Variants in CASD1 observed in about 807,000 individuals in gnomAD.
CASD1 encodes N-acetylneuraminate (7)9-O-acetyltransferase.
CASD1 carries 41 observed loss-of-function variants against 100.0 expected under a neutral mutation model. The ratio of observed to expected loss-of-function variants is 0.41; its 90% CI spans 0.32 to 0.53. The LOEUF is 0.53. Among genes scored for constraint, CASD1 ranks in the 20% least tolerant of loss-of-function variants. The probability of loss-of-function intolerance (pLI) is 0.25; values close to 1 mark genes in which losing one functional copy is unlikely to be tolerated. For missense variants in CASD1, 774 were observed against 948.7 expected (o/e 0.82, Z 2.42); for synonymous variants, 321 against 315.6 (o/e 1.02, Z -0.18).
chr7:94,604,643 G>C, the CASD1 span, among the ~76,000 whole-genome samples: 1 of 151,390 alleles, frequency 6.6e-6, no homozygotes, highest in Non-Finnish European at 1.5e-5. Context: ...GGAAAGAATA[G>C]TTGTTATAAC....
the CASD1 span, chr7:94,624,527 C>T: frequency 3.6e-6 from 1 of 280,740 alleles, no homozygotes; most frequent in Middle Eastern, 1.1e-3. Flanking sequence ...TTAATTATTT[C>T]CTTGCTGTTA....
chr7:94,598,876 C>CA, the CASD1 span: 1 of 1,613,418 alleles, frequency 6.2e-7, no homozygotes. Flanking sequence ...GAAGCGTTGA[C>CA]AGGGGCCATG....
the CASD1 span, among the ~76,000 whole-genome samples, chr7:94,610,375 T>A: frequency 6.6e-6 from 1 of 152,194 alleles, no homozygotes; most frequent in Admixed American, 6.5e-5. Context: ...TAGTGAGTTG[T>A]CAGTGTAGGT....
At chr7:94,578,057 A>T in the CASD1 span, among the ~76,000 whole-genome samples, 1 of 152,182 alleles carries the variant, frequency 6.6e-6, no homozygotes, top group Admixed American at 6.5e-5. Context: ...TGCCGTTCTT[A>T]CCAAGATTCT....
chr7:94,621,511 G>A, the CASD1 span: 2 of 152,164 alleles, frequency 1.3e-5, no homozygotes, highest in Admixed American at 1.3e-4. Context: ...AACATCTATT[G>A]AGATGCCTTG....
the CASD1 span, chr7:94,589,092 C>T: frequency 3.3e-6 from 1 of 305,602 alleles, no homozygotes; most frequent in East Asian, 7.3e-5. Flanking sequence ...AACACAGTGG[C>T]TTGTGCTCTT....
chr7:94,600,546 AGT>A, the CASD1 span: 5 of 805,862 alleles, frequency 6.2e-6, no homozygotes, highest in Non-Finnish European at 1.0e-5. Context: ...TCATTTACAA[AGT>A]GTTTTATGAA....
intron 3 of CASD1, among the ~76,000 whole-genome samples, chr7:94,518,993 TATTA>T (rs1397177269): frequency 3.3e-5 from 5 of 152,132 alleles, no homozygotes; most frequent in African/African-American, 1.2e-4. Flanking sequence ...ATTTAAAAAT[TATTA>T]ATTATGCTGC....
At chr7:94,605,095 CA>C in the CASD1 span, among the ~76,000 whole-genome samples, 6 of 151,416 alleles carry the variant, frequency 4.0e-5, no homozygotes, top group East Asian at 9.7e-4. Context: ...GTCCAGCTAG[CA>C]AGAAAAAAAT....
the CASD1 span, among the ~76,000 whole-genome samples, chr7:94,602,669 AAT>A: frequency 6.6e-6 from 1 of 152,114 alleles, no homozygotes; most frequent in Non-Finnish European, 1.5e-5. Context: ...TATAATATAA[AAT>A]ATGCAAACAT....
At chr7:94,522,162 A>T (rs1794314348) in intron 3 of CASD1, among the ~76,000 whole-genome samples, 1 of 152,226 alleles carries the variant, frequency 6.6e-6, no homozygotes, top group African/African-American at 2.4e-5. Context: ...AGCTAAACAC[A>T]GATTTTCAGA....
intron 6 of CASD1, among the ~76,000 whole-genome samples, chr7:94,533,454 A>G (rs1794949675): frequency 6.6e-6 from 1 of 152,174 alleles, no homozygotes; most frequent in African/African-American, 2.4e-5. Flanking sequence ...TTTTATATCT[A>G]AAATTGTATT....
the CASD1 span, among the ~76,000 whole-genome samples, chr7:94,630,629 A>T: frequency 6.6e-6 from 1 of 151,936 alleles, no homozygotes; most frequent in Non-Finnish European, 1.5e-5. Context: ...TGTTTTGATT[A>T]GTTTCCACTT....
chr7:94,544,379 CAT>C (rs1283098663), intron 10 of CASD1, 30 bp from the exon 11 acceptor site: 2 of 1,610,512 alleles, frequency 1.2e-6, no homozygotes, highest in African/African-American at 1.3e-5. Context: ...TTGATGCCAA[CAT>C]ATGTTTTACC....
intron 16 of CASD1, among the ~76,000 whole-genome samples, chr7:94,553,474 T>C (rs1395785149): frequency 6.6e-6 from 1 of 152,184 alleles, no homozygotes; most frequent in Non-Finnish European, 1.5e-5. Flanking sequence ...TCCTCCTTCA[T>C]CTTTTATGCA....
the CASD1 span, among the ~76,000 whole-genome samples, chr7:94,602,199 C>T: frequency 6.6e-6 from 1 of 152,016 alleles, no homozygotes; most frequent in Admixed American, 6.6e-5. Context: ...GTCTCCTGCA[C>T]CCTTGTATCG....
intron 7 of CASD1, 117 bp downstream of exon 7, chr7:94,533,919 G>A: frequency 1.0e-6 from 1 of 971,380 alleles, no homozygotes; most frequent in Non-Finnish European, 1.4e-6. Flanking sequence ...TTTGAAACAA[G>A]ATTTGCAAGA....
At chr7:94,582,102 G>T in the CASD1 span, among the ~76,000 whole-genome samples, 1 of 151,954 alleles carries the variant, frequency 6.6e-6, no homozygotes, top group African/African-American at 2.4e-5. Flanking sequence ...TCTCATTATG[G>T]TTTTGATTTG....
intron 3 of CASD1, among the ~76,000 whole-genome samples, chr7:94,521,928 AC>A (rs756947357): frequency 5.9e-5 from 9 of 152,128 alleles, no homozygotes; most frequent in African/African-American, 1.2e-4. Context: ...TACTAAAAAC[AC>A]AAAAAATTAG....
Sources: allele counts gnomAD v4.1 joint callset (sites outside exome capture counted in the v4.1 genomes callset), GRCh38; gene constraint gnomAD v4.1.1; transcripts MANE v1.5; gene names NCBI Gene and HGNC (gene_info 2026-07-23, HGNC 2026-07-21).